Variants in NMRK1 observed in about 807,000 individuals in gnomAD.
NMRK1 encodes the protein nicotinamide riboside kinase 1.
Under a neutral mutation model 29.9 loss-of-function variants are expected in NMRK1, and 28 were observed. The observed-to-expected ratio is 0.94, with a 90% CI of 0.69 to 1.28. NMRK1 has a LOEUF of 1.28. Ranked by LOEUF, NMRK1 falls within the 50% of genes most tolerant of loss-of-function variation. The pLI is 0.00. For missense variants in NMRK1, 218 were observed against 233.1 expected, an observed-to-expected ratio of 0.94 and a Z score of 0.42; for synonymous variants, 58 against 73.0, an observed-to-expected ratio of 0.79 and a Z score of 1.05.
intron 8 of NMRK1, among the ~76,000 whole-genome samples, chr9:75,063,238 G>A (rs1457437557): frequency 7.4e-5 from 11 of 148,922 alleles, no homozygotes; most frequent in Non-Finnish European, 1.5e-4. Context: ...CCCAGGAGGC[G>A]GAGCTTGCAG....
chr9:75,085,042 T>C (rs1279969506), intron 1 of NMRK1, among the ~76,000 whole-genome samples: 1 of 152,242 alleles, frequency 6.6e-6, no homozygotes, highest in Non-Finnish European at 1.5e-5. Flanking sequence ...GGCTGCTCTT[T>C]ATCTCACTTT....
intron 7 of NMRK1, among the ~76,000 whole-genome samples, chr9:75,067,501 AC>A: frequency 6.6e-6 from 1 of 152,274 alleles, no homozygotes; most frequent in African/African-American, 2.4e-5. Flanking sequence ...GCACTGATGC[AC>A]CCTTTGGAAT....
intron 4 of NMRK1, among the ~76,000 whole-genome samples, chr9:75,075,834 T>C (rs1374105104): frequency 1.3e-5 from 2 of 152,166 alleles, no homozygotes; most frequent in Non-Finnish European, 2.9e-5. Flanking sequence ...CAAAATTCTC[T>C]CATGGGTGGT....
At chr9:75,066,982 T>G in intron 7 of NMRK1, 142 bp from the exon 8 acceptor site, 1 of 539,382 alleles carries the variant, frequency 1.9e-6, no homozygotes, top group Non-Finnish European at 3.3e-6. Flanking sequence ...AAATTAATAG[T>G]GATTAAAGAA....
At chr9:75,076,103 T>C (rs1460182149) in intron 4 of NMRK1, among the ~76,000 whole-genome samples, 3 of 152,218 alleles carry the variant, frequency 2.0e-5, no homozygotes, top group African/African-American at 7.2e-5. Context: ...GAAATCAATA[T>C]ATCCAAGAAA....
chr9:75,083,890 T>A (rs1002127628), intron 1 of NMRK1, among the ~76,000 whole-genome samples: 77 of 152,306 alleles, frequency 5.1e-4, no homozygotes, highest in African/African-American at 1.8e-3. Context: ...ATAATCATAA[T>A]TTTTTTAACA....
At chr9:75,061,702 A>C (rs1823029068) in intron 8 of NMRK1, 135 bp from the exon 9 acceptor site, 1 of 685,754 alleles carries the variant, frequency 1.5e-6, no homozygotes, top group African/African-American at 1.8e-5. Context: ...GTTTCCTGTA[A>C]AGAACTAAAT....
At chr9:75,079,083 C>G (rs1373332237) in intron 2 of NMRK1, among the ~76,000 whole-genome samples, 1 of 152,162 alleles carries the variant, frequency 6.6e-6, no homozygotes, top group Non-Finnish European at 1.5e-5. Flanking sequence ...TGAGATCAAT[C>G]CACAAATACT....
At chr9:75,069,655 G>T (rs367585817) in intron 6 of NMRK1, 87 bp downstream of exon 6, 1 of 985,282 alleles carries the variant, frequency 1.0e-6, no homozygotes, top group Non-Finnish European at 1.6e-6. Flanking sequence ...TGACGTATAC[G>T]CATTGCTCAA....
chr9:75,077,577 C>T lies in NMRK1; in HGVS notation c.33G>A (p.Val11=). ...CCAGTGTTGTTTTGCCACTGTTTGT[C>T]ACACTGAAGCAAAGAAAAAAGAAAG... MKTFIIGISG[V]TNSGKTTLAK... is the part of the protein sequence containing the mutation. The change falls in exon 3 of 9, where the codon GTG becomes GTA. Residue 11 remains valine, a synonymous_variant. Coordinates refer to ENST00000361092, the MANE Select transcript of NMRK1 (RefSeq NM_017881.3). 6.2e-7 allele frequency: 1 copy of T among 1,609,174 alleles called. No homozygotes were observed. The highest frequency in any genetic ancestry group is 8.5e-7 in the Non-Finnish European group (1 of 1,176,766).
rs57076343 is a variant in NMRK1 at position 75,063,076 on chromosome 9, C to T, written c.581-1509G>A. Among the ~76,000 whole-genome samples the T allele has an allele frequency of 1.0e-2, 1,505 of 150,786 alleles. 29 individuals are homozygous for T. Among genetic ancestry groups the T allele is most frequent in the African/African-American group, 0.034 (1,410 of 41,076 alleles). On this transcript the variant is annotated intron_variant, in intron 8 of 8. Coordinates refer to ENST00000361092, the MANE Select transcript of NMRK1 (RefSeq NM_017881.3). ...CTGTAATCCCAGCATTTTGGGAGGC[C>T]GAGGCGGGCGGAGGTCAGGAGATTG...
At chr9:75,066,262 C>CT (rs1823337602) in intron 8 of NMRK1, 1 of 518,636 alleles carries the variant, frequency 1.9e-6, no homozygotes, top group African/African-American at 1.9e-5. Context: ...TTAGGCAGAT[C>CT]CCTGTCACTT....
intron 2 of NMRK1, among the ~76,000 whole-genome samples, chr9:75,078,872 A>G (rs886495024): frequency 1.3e-5 from 2 of 152,208 alleles, no homozygotes; most frequent in East Asian, 3.8e-4. Flanking sequence ...AGTATATATC[A>G]CAATATCACA....
chr9:75,083,108 G>A lies in NMRK1; in HGVS notation c.8C>T (p.Thr3Ile), dbSNP rs1353872841. The change falls in exon 2 of 9, where the codon ACA becomes ATA. Residue 3 changes from threonine (T) to isoleucine (I), a missense_variant. By Grantham distance (89) the Thr-to-Ile change is moderately conservative. Transcript: ENST00000361092. ...TCACCCACTGATTCCAATGATAAAT[G>A]TTTTCATAATTAGCTTTGAAAATCA... Reference protein sequence around the residue: MKTFIIGISGVTN... With the variant: MKIFIIGISGVTN... 4 of 1,597,550 alleles carry A rather than the reference G, an allele frequency of 2.5e-6. No individual in the cohort carries two copies. In the African/African-American group the frequency reaches 4.0e-5, roughly 16 times the overall value.
intron 3 of NMRK1, 63 bp downstream of exon 3, chr9:75,077,427 C>A: frequency 8.3e-7 from 1 of 1,199,106 alleles, no homozygotes; most frequent in South Asian, 1.3e-5. Flanking sequence ...GGATGTAATT[C>A]AATTAACGTG....
At chr9:75,071,867 C>A (rs1297849227) in intron 4 of NMRK1, among the ~76,000 whole-genome samples, 1 of 152,138 alleles carries the variant, frequency 6.6e-6, no homozygotes, top group Non-Finnish European at 1.5e-5. Context: ...TGCCAACCTG[C>A]TCCACTGCAC....
intron 4 of NMRK1, among the ~76,000 whole-genome samples, chr9:75,074,086 C>T (rs1408015489): frequency 1.3e-5 from 2 of 151,314 alleles, no homozygotes; most frequent in Non-Finnish European, 2.9e-5. Flanking sequence ...GAGACAGAGT[C>T]TCGCTCTGTT....
chr9:75,063,108 C>G (rs1301987121), intron 8 of NMRK1, among the ~76,000 whole-genome samples: 3 of 151,392 alleles, frequency 2.0e-5, no homozygotes, highest in Admixed American at 2.0e-4. Flanking sequence ...ATTGAGATCA[C>G]CCTGGCTAAC....
In NMRK1 at chr9:75,068,182, C is replaced by T. The variant is rs150281650; in HGVS notation, c.496+814G>A. Among the ~76,000 whole-genome samples the T allele has an allele frequency of 3.6e-3, 543 of 152,266 alleles. 1 individual carries two copies. Among genetic ancestry groups the T allele is most frequent in the Non-Finnish European group, 4.9e-3 (334 of 68,008 alleles). On this transcript the variant is annotated intron_variant, in intron 7 of 8. Coordinates refer to ENST00000361092, the MANE Select transcript of NMRK1 (RefSeq NM_017881.3). The stretch of plus-strand genomic sequence containing the variant: ...TTCTATCACCCAGTTCTACTGAGTG[C>T]GGGCGTCCAACATCACACCCTATAA...
Sources: allele counts gnomAD v4.1 joint callset (sites outside exome capture counted in the v4.1 genomes callset), GRCh38; gene constraint gnomAD v4.1.1; transcripts MANE v1.5; gene names NCBI Gene and HGNC (gene_info 2026-07-23, HGNC 2026-07-21).